The following SORCS1 variants were observed in gnomAD, a reference collection of about 807,000 sequenced individuals.
The protein encoded by SORCS1 is sortilin related VPS10 domain containing receptor 1, also known as VPS10 domain-containing receptor SorCS1.
In SORCS1, 60 loss-of-function variants were observed where a neutral mutation model predicts 146.1. That is an observed-to-expected ratio of 0.41 (90% CI 0.33 to 0.51). SORCS1 has a LOEUF of 0.51. SORCS1 is among the 20% of genes least tolerant of loss of function. The probability of loss-of-function intolerance (pLI) is 0.21; values close to 1 mark genes in which losing one functional copy is unlikely to be tolerated. For synonymous variants in SORCS1, 637 were observed against 584.0 expected (o/e 1.09, Z -1.31); for missense variants, 1,352 against 1,487.6 (o/e 0.91, Z 1.50).
At chr10:106,779,349 A>G (rs1047838056) in intron 3 of SORCS1, among the ~76,000 whole-genome samples, 4 of 152,078 alleles carry the variant, frequency 2.6e-5, no homozygotes. Flanking sequence ...TTCATTAGTT[A>G]TTTTTCTTAT....
At chr10:106,844,973 G>C (rs922451971) in intron 2 of SORCS1, among the ~76,000 whole-genome samples, 1 of 144,456 alleles carries the variant, frequency 6.9e-6, no homozygotes, top group African/African-American at 2.5e-5. Context: ...TCTTAATCCA[G>C]TCTATCATTG....
At chr10:107,114,583 T>G (rs1478635656) in intron 1 of SORCS1, among the ~76,000 whole-genome samples, 1 of 152,052 alleles carries the variant, frequency 6.6e-6, no homozygotes, top group Non-Finnish European at 1.5e-5. Flanking sequence ...CTCAACAAAT[T>G]AGATGTAGAA....
chr10:106,653,455 C>A (rs1453477989), intron 17 of SORCS1, among the ~76,000 whole-genome samples: 1 of 152,174 alleles, frequency 6.6e-6, no homozygotes, highest in Non-Finnish European at 1.5e-5. Context: ...CAGAGGTCAG[C>A]AAACTTTTTA....
intron 1 of SORCS1, among the ~76,000 whole-genome samples, chr10:107,136,208 T>C (rs920520799): frequency 6.6e-6 from 1 of 152,074 alleles, no homozygotes; most frequent in African/African-American, 2.4e-5. Flanking sequence ...TACGCAAAAC[T>C]TAGGAGGACG....
intron 1 of SORCS1, among the ~76,000 whole-genome samples, chr10:107,076,028 C>G (rs1565006853): frequency 6.6e-6 from 1 of 152,092 alleles, no homozygotes; most frequent in African/African-American, 2.4e-5. Context: ...GGAATAGCTA[C>G]TAATTAAGTG....
rs375639885 is a variant in SORCS1, at chr10:107,021,407, G to C, written c.559-64827C>G. Among the ~76,000 whole-genome samples, 253 of 150,818 alleles carry C rather than the reference G, an allele frequency of 1.7e-3. 2 individuals are homozygous for C. The highest frequency in any genetic ancestry group is 5.9e-3 in the African/African-American group (241 of 41,076). ...CGGGTGCCTGTAGTCCCAGCTACTC[G>C]GGAGACTGAGGCAGGAGAATGGCGT... On this transcript the variant is annotated intron_variant, in intron 1 of 25. Coordinates refer to ENST00000263054, the MANE Select transcript of SORCS1 (RefSeq NM_052918.5).
chr10:107,136,887 G>A (rs1006835321), intron 1 of SORCS1, among the ~76,000 whole-genome samples: 2 of 152,152 alleles, frequency 1.3e-5, no homozygotes, highest in African/African-American at 2.4e-5. Flanking sequence ...TTGCAAATTT[G>A]AGAGGACCAG....
At chr10:106,850,194 G>A (rs1014853967) in intron 2 of SORCS1, among the ~76,000 whole-genome samples, 3,477 of 151,920 alleles carry the variant, frequency 0.023, 120 homozygotes, top group African/African-American at 0.078. Flanking sequence ...CCTCGCTGCC[G>A]CCTTGCAGTT....
intron 1 of SORCS1, among the ~76,000 whole-genome samples, chr10:107,019,480 C>A (rs1958039770): frequency 6.6e-6 from 1 of 152,088 alleles, no homozygotes; most frequent in African/African-American, 2.4e-5. Flanking sequence ...AAAAGCTCGT[C>A]TAAATTAGAA....
intron 1 of SORCS1, among the ~76,000 whole-genome samples, chr10:107,143,853 G>C (rs1001679128): frequency 2.0e-5 from 3 of 151,646 alleles, no homozygotes; most frequent in African/African-American, 7.3e-5. Context: ...TATTACCCAG[G>C]CTGCTGGTCT....
At chr10:106,622,413 A>G (rs1048153260) in intron 19 of SORCS1, among the ~76,000 whole-genome samples, 13 of 152,142 alleles carry the variant, frequency 8.5e-5, no homozygotes, top group African/African-American at 3.1e-4. Flanking sequence ...TGAGGGTAAG[A>G]ATTCTTCATA....
chr10:106,588,019 T>C (rs905392670), intron 24 of SORCS1, among the ~76,000 whole-genome samples: 1 of 152,222 alleles, frequency 6.6e-6, no homozygotes. Context: ...TACAGACATA[T>C]AGTGAAATGT....
At chr10:106,685,706 T>C (rs547122209) in intron 10 of SORCS1, among the ~76,000 whole-genome samples, 4 of 151,810 alleles carry the variant, frequency 2.6e-5, no homozygotes, top group African/African-American at 9.7e-5. Flanking sequence ...AGGGAGAGGC[T>C]GGAGACCAGG....
At chr10:107,080,029 A>T (rs1388425884) in intron 1 of SORCS1, among the ~76,000 whole-genome samples, 2 of 152,258 alleles carry the variant, frequency 1.3e-5, no homozygotes, top group East Asian at 3.8e-4. Context: ...GAAATTCCTC[A>T]GAGACACAAA....
intron 1 of SORCS1, among the ~76,000 whole-genome samples, chr10:107,136,511 A>G (rs1308622206): frequency 6.6e-6 from 1 of 152,188 alleles, no homozygotes; most frequent in Non-Finnish European, 1.5e-5. Flanking sequence ...GTTTCAGTGC[A>G]GAAAAAAAAC....
intron 16 of SORCS1, among the ~76,000 whole-genome samples, chr10:106,668,938 A>C (rs1235797812): frequency 6.6e-6 from 1 of 152,156 alleles, no homozygotes; most frequent in Admixed American, 6.5e-5. Flanking sequence ...GTAATCACCG[A>C]AACTCCAGCT....
chr10:106,930,866 C>T (rs1227380284), intron 2 of SORCS1, among the ~76,000 whole-genome samples: 2 of 152,140 alleles, frequency 1.3e-5, no homozygotes, highest in African/African-American at 2.4e-5. Context: ...CCTTCTCAAT[C>T]AAGACATGGG....
chr10:107,144,481 C>T (rs1202797135), intron 1 of SORCS1, among the ~76,000 whole-genome samples: 1 of 152,228 alleles, frequency 6.6e-6, no homozygotes, highest in Non-Finnish European at 1.5e-5. Context: ...AGATGATGTG[C>T]CTGATATCAA....
At chr10:107,115,384 A>T (rs944361319) in intron 1 of SORCS1, among the ~76,000 whole-genome samples, 2 of 152,118 alleles carry the variant, frequency 1.3e-5, no homozygotes, top group Non-Finnish European at 2.9e-5. Flanking sequence ...TCAAAACTGT[A>T]CGGTATTGGC....
Sources: gnomAD v4.1 joint callset for allele counts (sites outside exome capture counted in the v4.1 genomes callset) on GRCh38, gnomAD v4.1.1 for gene constraint, MANE v1.5 for transcripts, NCBI Gene and HGNC (gene_info 2026-07-23, HGNC 2026-07-21) for gene names.